The following MYH9 variants were observed in gnomAD, a reference collection of about 807,000 sequenced individuals.
MYH9 encodes myosin-9.
Under a neutral mutation model 241.9 loss-of-function variants are expected in MYH9, and 29 were observed. The observed-to-expected ratio is 0.12, with a 90% confidence interval of 0.09 to 0.16. The LOEUF (loss-of-function observed/expected upper bound fraction) is 0.16, where lower values mean the gene tolerates loss of function less well. Ranked by LOEUF, MYH9 falls within the 10% of genes least tolerant of loss-of-function variation. The pLI is 1.00. For missense variants in MYH9, 1,803 were observed against 2,595.5 expected, an observed-to-expected ratio of 0.69 and a Z score of 6.63; for synonymous variants, 1,047 against 1,062.6, an observed-to-expected ratio of 0.99 and a Z score of 0.29.
intron 1 of MYH9, among the ~76,000 whole-genome samples, chr22:36,371,768 C>T (rs1369326114): frequency 6.6e-6 from 1 of 152,034 alleles, no homozygotes; most frequent in African/African-American, 2.4e-5. Context: ...CTCCTGACCT[C>T]AGGTGATCCG....
chr22:36,332,756 T>C (rs182395128), intron 3 of MYH9, among the ~76,000 whole-genome samples: 85 of 150,080 alleles, frequency 5.7e-4, no homozygotes, highest in African/African-American at 2.1e-3. Flanking sequence ...AGCCTTCTCT[T>C]GGCCAAAATG....
rs2016571422 is a variant in MYH9, at chr22:36,285,851, C to T, written c.5150+14G>A. On this transcript the variant is annotated intron_variant, in intron 36 of 40. Transcript: ENST00000216181. The surrounding 1 kb of genome is among the most constrained non-coding windows in gnomAD (Gnocchi z 7.0). ...ACCTGGTCCCCCCCAACTCTGCCCC[C>T]TCACTCAGCTCACCCTTTGCCGCTG... 6.2e-7 allele frequency: 1 copy of T among 1,613,824 alleles called. No individual in the cohort carries two copies. The highest frequency in any genetic ancestry group is 1.7e-5 in the Admixed American group (1 of 60,026).
At chr22:36,358,183 G>C (rs2017885958) in intron 1 of MYH9, among the ~76,000 whole-genome samples, 1 of 152,210 alleles carries the variant, frequency 6.6e-6, no homozygotes, top group African/African-American at 2.4e-5. Flanking sequence ...TCCTGCCTCA[G>C]CCTCCCGAGT....
At position 36,297,031 on chromosome 22, in the gene MYH9, G is replaced by A; in HGVS notation, c.3101-17C>T. The A allele has an allele frequency of 6.2e-7, 1 of 1,612,962 alleles. No homozygotes were observed. Among genetic ancestry groups the A allele is most frequent in the Non-Finnish European group, 8.5e-7 (1 of 1,179,900 alleles). On this transcript the variant is annotated splice_polypyrimidine_tract_variant and intron_variant, in intron 24 of 40. Coordinates refer to ENST00000216181, the MANE Select transcript of MYH9 (RefSeq NM_002473.6). ...GGAGGCGCTCTGCAATGCAGGGGGA[G>A]CCCACATAGCCCTCAGTGCCATGGG...
At chr22:36,365,761 T>TAA in intron 1 of MYH9, among the ~76,000 whole-genome samples, 1 of 152,174 alleles carries the variant, frequency 6.6e-6, no homozygotes, top group Non-Finnish European at 1.5e-5. Context: ...GCACCCGGCC[T>TAA]TTTTTTAAAT....
intron 31 of MYH9, among the ~76,000 whole-genome samples, chr22:36,289,999 C>T (rs529353006): frequency 1.4e-4 from 21 of 152,232 alleles, no homozygotes; most frequent in African/African-American, 5.1e-4. Context: ...ATGCAGGGGC[C>T]GGATCCGGCT....
intron 3 of MYH9, 99 bp downstream of exon 3, chr22:36,341,271 G>T (rs73405779): frequency 6.8e-6 from 10 of 1,472,294 alleles, no homozygotes; most frequent in Non-Finnish European, 9.4e-6. Flanking sequence ...CCAGCCACTA[G>T]ATCAATGTGG....
At position 36,309,339 on chromosome 22, in the gene MYH9, T is replaced by C. The variant is rs1218251906; in HGVS notation, c.1786A>G (p.Ile596Val). 5.6e-6 allele frequency: 9 copies of C among 1,614,044 alleles called. No individual in the cohort carries two copies. The Admixed American group carries it at 6.7e-5, about 12-fold the overall frequency. ...MKNMDPLNDN[I>V]ATLLHQSSDK... is the part of the protein sequence containing the mutation. ...GAGGACTGGTGGAGCAGTGTGGCGATGTTGTCATTCAGGGGATCCATGTTC... is the reference window on the plus strand; with the variant it reads ...GAGGACTGGTGGAGCAGTGTGGCGACGTTGTCATTCAGGGGATCCATGTTC... Residue 596 changes from isoleucine to valine, a missense_variant, in exon 15 of 41, where the codon ATC becomes GTC. Ile to Val is a conservative substitution (Grantham distance 29). Coordinates refer to ENST00000216181, the MANE Select transcript of MYH9 (RefSeq NM_002473.6).
chr22:36,301,698 G>A (rs754897062), intron 20 of MYH9, 33 bp from the exon 21 acceptor site: 8 of 1,609,320 alleles, frequency 5.0e-6, no homozygotes, highest in Middle Eastern at 1.6e-4. Flanking sequence ...AGACATGCTC[G>A]GCTGGAAGAT....
intron 10 of MYH9, 147 bp downstream of exon 10, chr22:36,319,393 G>C (rs564256730): frequency 1.0e-5 from 8 of 779,846 alleles, no homozygotes; most frequent in Admixed American, 8.2e-5. Flanking sequence ...TCATGTTTAC[G>C]TGTGTTTTAC....
chr22:36,377,213 G>C (rs904329481), intron 1 of MYH9, among the ~76,000 whole-genome samples: 5 of 152,194 alleles, frequency 3.3e-5, no homozygotes, highest in African/African-American at 1.2e-4. Context: ...GCAGAGGACA[G>C]CGAGTTCTCA....
In MYH9 at chr22:36,289,398, C is replaced by A; in HGVS notation, c.4345-101G>T. On this transcript the variant is annotated intron_variant, in intron 31 of 40. Transcript: ENST00000216181. The stretch of plus-strand genomic sequence containing the variant: ...TGGGGAAGGAGGAGCCCAGAGGCCA[C>A]GGTGGAGAGGAGCAGGCCTAGGAAG... The A allele has an allele frequency of 4.5e-6, 5 of 1,122,666 alleles. No individual in the cohort carries two copies. The South Asian group carries it at 5.4e-5, about 12-fold the overall frequency. The allele number at this position is 1,122,666 out of a possible 1,614,324, so 69.5% of individuals were successfully genotyped here. A position where few individuals can be genotyped will look rare whatever the true frequency, so the allele number is the denominator to read the frequency against.
At chr22:36,290,664 G>T (rs2016676494) in intron 31 of MYH9, among the ~76,000 whole-genome samples, 1 of 151,410 alleles carries the variant, frequency 6.6e-6, no homozygotes, top group Non-Finnish European at 1.5e-5. Context: ...AAGGTGAGGG[G>T]TGTCTCTGCC....
intron 1 of MYH9, among the ~76,000 whole-genome samples, chr22:36,362,501 C>T (rs2017949666): frequency 6.6e-6 from 1 of 152,094 alleles, no homozygotes; most frequent in South Asian, 2.1e-4. Context: ...ATCCTCAGCA[C>T]AGAAACCATT....
rs762469234 is a variant in MYH9 at position 36,294,188 on chromosome 22, G to A, written c.3741C>T (p.Arg1247=). The A allele has an allele frequency of 1.2e-6, 2 of 1,613,918 alleles. No homozygotes were observed. Among genetic ancestry groups the A allele is most frequent in the Non-Finnish European group, 1.7e-6 (2 of 1,180,044 alleles). ...CCTGCAGCTGCGCCTCCACTTTCTT[G>A]CGCTTGTGCTCCGAGTCCCCTTTGC... The part of the protein sequence containing the change: ...LQGKGDSEHK[R]KKVEAQLQEL... Residue 1247 remains arginine, a synonymous_variant, in exon 28 of 41, where the codon CGC becomes CGT. Coordinates refer to ENST00000216181, the MANE Select transcript of MYH9 (RefSeq NM_002473.6).
chr22:36,293,919 C>G lies in MYH9; in HGVS notation c.3838-56G>C, dbSNP rs569038893. 2.5e-5 allele frequency: 38 copies of G among 1,520,590 alleles called. No individual in the cohort carries two copies. In the African/African-American group the frequency reaches 4.8e-4, roughly 19 times the overall value. The allele number at this position is 1,520,590 out of a possible 1,614,324, so 94.2% of individuals were successfully genotyped here. On this transcript the variant is annotated intron_variant, in intron 28 of 40. Coordinates refer to ENST00000216181, the MANE Select transcript of MYH9 (RefSeq NM_002473.6). The surrounding 1 kb of genome is among the most constrained non-coding windows in gnomAD (Gnocchi z 5.1). ...TGGACCCACCCCCACTGCTCCTGCC[C>G]CACCTCATCTCCTTTAGGTAAAGCT...
intron 13 of MYH9, among the ~76,000 whole-genome samples, chr22:36,313,416 C>T (rs1480542874): frequency 3.5e-5 from 5 of 141,604 alleles, no homozygotes; most frequent in Non-Finnish European, 1.5e-5. Context: ...CAGGCCACTG[C>T]ACTCCAGCCT....
chr22:36,336,926 T>C (rs148406519), intron 3 of MYH9, among the ~76,000 whole-genome samples: 87 of 152,330 alleles, frequency 5.7e-4, no homozygotes, highest in African/African-American at 2.0e-3. Flanking sequence ...CCTGGCATTC[T>C]GGCACCTTCT....
intron 9 of MYH9, 62 bp from the exon 10 acceptor site, chr22:36,319,697 G>A (rs1034282792): frequency 4.6e-6 from 7 of 1,515,216 alleles, no homozygotes; most frequent in African/African-American, 1.4e-5. Flanking sequence ...CCCGGGGGTG[G>A]GGGCCACTCA....
Sources: gnomAD v4.1 joint callset for allele counts (sites outside exome capture counted in the v4.1 genomes callset) on GRCh38, gnomAD v4.1.1 for gene constraint, Gnocchi (gnomAD v3.1) non-coding constraint, MANE v1.5 for transcripts, NCBI Gene and HGNC (gene_info 2026-07-23, HGNC 2026-07-21) for gene names.